ZFPM2: variants seen among roughly 807,000 people sequenced by gnomAD.
ZFPM2 encodes zinc finger protein, FOG family member 2.
A neutral mutation model predicts 98.6 loss-of-function variants in ZFPM2; 20 were observed. That is an observed-to-expected ratio of 0.20 (90% CI 0.14 to 0.29). The LOEUF (loss-of-function observed/expected upper bound fraction) is 0.29. ZFPM2 is among the 10% of genes least tolerant of loss of function. The pLI is 1.00. For missense variants in ZFPM2, 1,310 were observed against 1,388.6 expected (o/e 0.94, Z 0.90); for synonymous variants, 518 against 502.7 (o/e 1.03, Z -0.41).
At position 105,418,071 on chromosome 8, in the gene ZFPM2, A is replaced by C. The variant is rs556206532; in HGVS notation, c.41-1073A>C. Among the ~76,000 whole-genome samples, 4 of 152,186 alleles carry C rather than the reference A, an allele frequency of 2.6e-5. No individual in the cohort carries two copies. The South Asian group carries it at 8.3e-4, about 32-fold the overall frequency. The stretch of plus-strand genomic sequence containing the variant: ...TCTTATTTATCTACATATATATATA[A>C]ATTGTAGTATATGCACTATTTTAAA... On this transcript the variant is annotated intron_variant, in intron 1 of 7. Transcript: ENST00000407775.
At position 105,691,231 on chromosome 8, in the gene ZFPM2, C is replaced by CTTTTTTTTTT. The variant is rs869164122; in HGVS notation, c.532+56893_532+56902dup. 4.6e-3 allele frequency among the ~76,000 whole-genome samples: 316 copies of CTTTTTTTTTT among 67,968 alleles called. 58 individuals carry two copies. Among genetic ancestry groups the CTTTTTTTTTT allele is most frequent in the African/African-American group, 0.013 (163 of 12,638 alleles). 44.6% of individuals were successfully genotyped at this position (67,968 alleles called of 152,430 possible). A position where few individuals can be genotyped will look rare whatever the true frequency, so the allele number is the denominator to read the frequency against. ...CTCAAGCGCCCTGTTCCCAAAGAGACTTTTTTTTTTTTTTTTTTTTTTTTT... is the reference window on the plus strand; with the variant it reads ...CTCAAGCGCCCTGTTCCCAAAGAGACTTTTTTTTTTTTTTTTTTTTTTTTTTTTTTTTTTT... On this transcript the variant is annotated intron_variant, in intron 5 of 7. Transcript: ENST00000407775.
chr8:105,514,175 G>C (rs560402992), intron 3 of ZFPM2, among the ~76,000 whole-genome samples: 2 of 151,894 alleles, frequency 1.3e-5, no homozygotes, highest in East Asian at 1.9e-4. Context: ...TCTAAATTTT[G>C]TATTTTTAGT....
chr8:105,794,397 T>C (rs901801619), intron 6 of ZFPM2, among the ~76,000 whole-genome samples: 40 of 152,264 alleles, frequency 2.6e-4, no homozygotes, highest in Admixed American at 1.3e-3. Flanking sequence ...ACAGTGGTTT[T>C]TCATGAACCG....
At chr8:105,641,405 G>A (rs1207791137) in intron 5 of ZFPM2, among the ~76,000 whole-genome samples, 2 of 151,998 alleles carry the variant, frequency 1.3e-5, no homozygotes, top group African/African-American at 4.8e-5. Context: ...TTAATATTTT[G>A]AGGAGTGAGC....
chr8:105,620,877 T>C (rs1324999568), intron 4 of ZFPM2, among the ~76,000 whole-genome samples: 1 of 152,196 alleles, frequency 6.6e-6, no homozygotes, highest in African/African-American at 2.4e-5. Flanking sequence ...CTCTGTTGTG[T>C]TCCATTGGTC....
At chr8:105,694,219 C>A (rs1303672307) in intron 5 of ZFPM2, among the ~76,000 whole-genome samples, 1 of 151,874 alleles carries the variant, frequency 6.6e-6, no homozygotes, top group Admixed American at 6.6e-5. Context: ...ATCTCCTGAC[C>A]TTGTGATCTG....
intron 5 of ZFPM2, among the ~76,000 whole-genome samples, chr8:105,724,710 T>C (rs1811763916): frequency 1.3e-5 from 2 of 151,900 alleles, no homozygotes; most frequent in Non-Finnish European, 2.9e-5. Context: ...AGACTGTGAA[T>C]GTTAACTTTT....
At chr8:105,520,630 G>C (rs1814032562) in intron 3 of ZFPM2, among the ~76,000 whole-genome samples, 1 of 152,064 alleles carries the variant, frequency 6.6e-6, no homozygotes, top group Non-Finnish European at 1.5e-5. Context: ...CATAGGAGCA[G>C]ATGGTTGATT....
At chr8:105,678,540 T>C (rs956340467) in intron 5 of ZFPM2, 1 of 152,188 alleles carries the variant, frequency 6.6e-6, no homozygotes, top group Non-Finnish European at 1.5e-5. Flanking sequence ...GGACACCACA[T>C]ATGAGGAAAT....
chr8:105,448,857 A>T (rs138080866), intron 3 of ZFPM2, among the ~76,000 whole-genome samples: 282 of 152,134 alleles, frequency 1.9e-3, no homozygotes, highest in African/African-American at 6.4e-3. Flanking sequence ...CTAGGACTGA[A>T]CTTTGTTAAA....
chr8:105,770,883 T>G, intron 5 of ZFPM2, among the ~76,000 whole-genome samples: 1 of 152,180 alleles, frequency 6.6e-6, no homozygotes, highest in Non-Finnish European at 1.5e-5. Context: ...GAAAAGAATA[T>G]CACCCACTAA....
intron 1 of ZFPM2, chr8:105,418,601 G>A (rs1380742880): frequency 7.7e-6 from 4 of 518,488 alleles, no homozygotes; most frequent in Non-Finnish European, 1.5e-5. Context: ...ATCAGGGAGA[G>A]AAATATGTAA....
intron 3 of ZFPM2, among the ~76,000 whole-genome samples, chr8:105,538,575 G>A (rs572986555): frequency 6.6e-6 from 1 of 152,102 alleles, no homozygotes; most frequent in South Asian, 2.1e-4. Flanking sequence ...GGAGATACTT[G>A]AGACTGTCAC....
At chr8:105,441,452 G>GAGAAAGAAAGAAAGAAAGAAAGAAAGAA (rs34216988) in intron 2 of ZFPM2, among the ~76,000 whole-genome samples, 1 of 38,934 alleles carries the variant, frequency 2.6e-5, no homozygotes, top group Non-Finnish European at 4.3e-5. Flanking sequence ...GAGAGAGAGA[G>GAGAAAGAAAGAAAGAAAGAAAGAAAGAA]AGAAAGAAAG....
At chr8:105,408,843 T>G (rs1353826876) in intron 1 of ZFPM2, among the ~76,000 whole-genome samples, 1 of 151,872 alleles carries the variant, frequency 6.6e-6, no homozygotes, top group Non-Finnish European at 1.5e-5. Context: ...AACAGATTTC[T>G]ATCGTTGCCC....
At chr8:105,438,186 C>T (rs1237707424) in intron 2 of ZFPM2, among the ~76,000 whole-genome samples, 3 of 152,200 alleles carry the variant, frequency 2.0e-5, no homozygotes, top group Non-Finnish European at 4.4e-5. Context: ...ACTTCTGTGG[C>T]ATCAAGTCTG....
At chr8:105,414,961 G>T (rs909865078) in intron 1 of ZFPM2, 1 of 152,076 alleles carries the variant, frequency 6.6e-6, no homozygotes, top group African/African-American at 2.4e-5. Flanking sequence ...GTACTGACTA[G>T]ATGAAAAGCT....
chr8:105,670,495 CAAAAAAAA>C (rs1160128174), intron 5 of ZFPM2, among the ~76,000 whole-genome samples: 1 of 49,278 alleles, frequency 2.0e-5, no homozygotes, highest in African/African-American at 7.9e-5. Context: ...GAGTCCATCT[CAAAAAAAA>C]AAAAAAAAAA....
chr8:105,498,073 T>C (rs1825072), intron 3 of ZFPM2, among the ~76,000 whole-genome samples: 6,574 of 149,656 alleles, frequency 0.044, 505 homozygotes, highest in African/African-American at 0.15. Context: ...TGGTACATGC[T>C]TGTGGTACCA....
Sources: allele counts gnomAD v4.1 joint callset (sites outside exome capture counted in the v4.1 genomes callset), GRCh38; gene constraint gnomAD v4.1.1; transcripts MANE v1.5; gene names NCBI Gene and HGNC (gene_info 2026-07-23, HGNC 2026-07-21).